The following KLRD1 variants were observed in gnomAD, a reference collection of about 807,000 sequenced individuals.
The protein encoded by KLRD1 is killer cell lectin like receptor D1.
KLRD1 carries 21 observed loss-of-function variants against 22.6 expected under a neutral mutation model. That is an observed-to-expected ratio of 0.93 (90% CI 0.66 to 1.34). The LOEUF (loss-of-function observed/expected upper bound fraction) is 1.34. KLRD1 is among the 40% of genes most tolerant of loss of function. The probability of loss-of-function intolerance (pLI) is 0.00; values close to 1 mark genes in which losing one functional copy is unlikely to be tolerated. For synonymous variants in KLRD1, 59 were observed against 71.1 expected, an observed-to-expected ratio of 0.83 and a Z score of 0.85; for missense variants, 183 against 208.6, an observed-to-expected ratio of 0.88 and a Z score of 0.76.
At chr12:10,256,606 C>A (rs570039719) in intron 1 of KLRD1, among the ~76,000 whole-genome samples, 1 of 151,756 alleles carries the variant, frequency 6.6e-6, no homozygotes, top group South Asian at 2.1e-4. Context: ...CACAGCTCCA[C>A]CCCTCTGCTT....
At chr12:10,305,094 G>C (rs1949902946), upstream of KLRD1, among the ~76,000 whole-genome samples, 1 of 152,162 alleles carries the variant, frequency 6.6e-6, no homozygotes, top group African/African-American at 2.4e-5. Flanking sequence ...AGACTTCACT[G>C]TTTATATGTT....
At position 10,321,363 on chromosome 12, in the gene KLRD1, T is replaced by C. The variant is rs1366208165; in HGVS notation, c.*6570T>C. Reference sequence around the variant, plus strand: ...TCACCTGATGAGTCTCACTCATACCTGGATGTGACAAATTTCGGACTTTGA... The same window carrying C: ...TCACCTGATGAGTCTCACTCATACCCGGATGTGACAAATTTCGGACTTTGA... On this transcript the variant is annotated 3_prime_UTR_variant, in exon 6 of 6. Coordinates refer to ENST00000336164, the MANE Select transcript of KLRD1 (RefSeq NM_002262.5). 2 of 152,208 alleles carry C rather than the reference T, an allele frequency of 1.3e-5. No individual in the cohort carries two copies. Among genetic ancestry groups the C allele is most frequent in the African/African-American group, 4.8e-5 (2 of 41,448 alleles). 9.4% of individuals were successfully genotyped at this position (152,208 alleles called of 1,614,324 possible).
At position 10,246,986 on chromosome 12, in the gene KLRD1, G is replaced by A. The variant is rs112582166; in HGVS notation, c.-101+20753G>A. On this transcript the variant is annotated intron_variant, in intron 1 of 5. Coordinates refer to the KLRD1 transcript ENST00000544747. ...CTTGCTCTGTCACCCAGTCTGGAGTGCCGTGGCACGATCTCGGCTCACTGC... is the reference window on the plus strand; with the variant it reads ...CTTGCTCTGTCACCCAGTCTGGAGTACCGTGGCACGATCTCGGCTCACTGC... Among the ~76,000 whole-genome samples, 647 of 144,078 alleles carry A rather than the reference G, an allele frequency of 4.5e-3. 7 individuals are homozygous for A. Among genetic ancestry groups the A allele is most frequent in the African/African-American group, 0.016 (613 of 37,886 alleles). 94.5% of individuals were successfully genotyped at this position (144,078 alleles called of 152,430 possible). A position where few individuals can be genotyped will look rare whatever the true frequency, so the allele number is the denominator to read the frequency against.
At chr12:10,252,954 TA>T (rs11460315) in intron 1 of KLRD1, among the ~76,000 whole-genome samples, 10,406 of 144,954 alleles carry the variant, frequency 0.072, 456 homozygotes, top group East Asian at 0.23. Context: ...TGGGCAGTTG[TA>T]AAAAAAAAAA....
At chr12:10,309,843 T>C (rs1427303122) in intron 3 of KLRD1, among the ~76,000 whole-genome samples, 155 bp downstream of exon 3, 2 of 152,216 alleles carry the variant, frequency 1.3e-5, no homozygotes, top group African/African-American at 2.4e-5. Flanking sequence ...CTCAATCTAA[T>C]GTAAAAATGA....
At chr12:10,300,330 A>T (rs925097531), upstream of KLRD1, among the ~76,000 whole-genome samples, 1 of 152,202 alleles carries the variant, frequency 6.6e-6, no homozygotes. Flanking sequence ...TGAAGAATGG[A>T]TGTTGTGCTA....
chr12:10,248,714 C>T (rs866817544), intron 1 of KLRD1, among the ~76,000 whole-genome samples: 3 of 151,588 alleles, frequency 2.0e-5, no homozygotes, highest in African/African-American at 7.3e-5. Context: ...TCTCCTGCCT[C>T]AGCCTCCCAA....
At chr12:10,241,796 A>G (rs1949243698) in intron 1 of KLRD1, among the ~76,000 whole-genome samples, 1 of 152,166 alleles carries the variant, frequency 6.6e-6, no homozygotes, top group Admixed American at 6.5e-5. Context: ...GCATACATGT[A>G]TATGCACACA....
Position 10,307,990 on chromosome 12 carries a change from C to T in KLRD1, c.-88C>T, listed in dbSNP as rs2137687860. 3 of 1,186,394 alleles carry T rather than the reference C, an allele frequency of 2.5e-6. No individual in the cohort carries two copies. The East Asian group carries it at 7.0e-5, about 28-fold the overall frequency. 73.5% of individuals were successfully genotyped at this position (1,186,394 alleles called of 1,614,324 possible). ...ACTCAACTTTCAGATTCTTTAATCT[C>T]CAGCTCAGCTTCAACAATTCAACGC... On this transcript the variant is annotated 5_prime_UTR_variant, in exon 1 of 6. Transcript: ENST00000336164.
At chr12:10,257,389 CTT>C (rs1949408221) in intron 1 of KLRD1, among the ~76,000 whole-genome samples, 1 of 149,870 alleles carries the variant, frequency 6.7e-6, no homozygotes, top group Admixed American at 6.6e-5. Context: ...CATTAAATCT[CTT>C]AGTCTCTGTT....
At position 10,314,895 on chromosome 12, in the gene KLRD1, A is replaced by G; in HGVS notation, c.*102A>G. The stretch of plus-strand genomic sequence containing the variant: ...TACTAATTGTCTACTTCTGGAGTCT[A>G]TAAAATGTTTTTAAACAGTGTCATA... On this transcript the variant is annotated 3_prime_UTR_variant, in exon 6 of 6. Transcript: ENST00000336164. 1.7e-6 allele frequency: 2 copies of G among 1,157,642 alleles called. 1 individual carries two copies. The allele number at this position is 1,157,642 out of a possible 1,614,324, so 71.7% of individuals were successfully genotyped here.
At chr12:10,261,631 T>C (rs892515960) in intron 1 of KLRD1, among the ~76,000 whole-genome samples, 1 of 152,312 alleles carries the variant, frequency 6.6e-6, no homozygotes, top group South Asian at 2.1e-4. Context: ...ATTTGATTCA[T>C]TATGATTTTT....
chr12:10,263,123 T>A (rs1949468959), intron 1 of KLRD1, among the ~76,000 whole-genome samples: 1 of 152,016 alleles, frequency 6.6e-6, no homozygotes, highest in Non-Finnish European at 1.5e-5. Context: ...CTACTCAGAT[T>A]GTCATTATTT....
chr12:10,285,179 A>C (rs1458713168), intron 1 of KLRD1, among the ~76,000 whole-genome samples: 3 of 152,178 alleles, frequency 2.0e-5, no homozygotes, highest in Admixed American at 6.5e-5. Context: ...CCTGGAGTAA[A>C]ATATCATTTC....
chr12:10,253,315 C>T (rs767766448), intron 1 of KLRD1, among the ~76,000 whole-genome samples: 22 of 152,126 alleles, frequency 1.4e-4, no homozygotes, highest in Admixed American at 2.0e-4. Context: ...ACTGATACTC[C>T]GTTCATACAC....
chr12:10,291,081 T>G, intron 1 of KLRD1, among the ~76,000 whole-genome samples: 1 of 152,252 alleles, frequency 6.6e-6, no homozygotes, highest in Non-Finnish European at 1.5e-5. Context: ...ATGTTTACAC[T>G]GTACTGCAGT....
chr12:10,292,654 A>G (rs1312968370), intron 1 of KLRD1, among the ~76,000 whole-genome samples: 2 of 152,230 alleles, frequency 1.3e-5, no homozygotes, highest in Non-Finnish European at 2.9e-5. Context: ...TAGAGAGCAC[A>G]GGTAGAGTAG....
intron 4 of KLRD1, 28 bp from the exon 5 acceptor site, chr12:10,313,382 T>C: frequency 7.7e-7 from 1 of 1,293,650 alleles, no homozygotes; most frequent in Non-Finnish European, 1.1e-6. Flanking sequence ...AAAATTAGAT[T>C]AATGTGATTG....
intron 1 of KLRD1, among the ~76,000 whole-genome samples, chr12:10,266,847 T>A (rs1949503708): frequency 7.1e-6 from 1 of 141,388 alleles, no homozygotes; most frequent in Admixed American, 7.7e-5. Context: ...TCATGTGAAA[T>A]CACTTACAGC....
Sources: allele counts gnomAD v4.1 joint callset (sites outside exome capture counted in the v4.1 genomes callset), GRCh38; gene constraint gnomAD v4.1.1; transcripts MANE v1.5; gene names NCBI Gene and HGNC (gene_info 2026-07-23, HGNC 2026-07-21).